Variants in CFAP300 observed in about 807,000 individuals in gnomAD.
CFAP300 encodes cilia and flagella associated protein 300, also known as cilia- and flagella-associated protein 300.
Under a neutral mutation model 33.0 loss-of-function variants are expected in CFAP300, and 32 were observed. The observed-to-expected ratio is 0.97, with a 90% CI of 0.73 to 1.30. CFAP300 has a LOEUF of 1.30. Ranked by LOEUF, CFAP300 falls within the 50% of genes most tolerant of loss-of-function variation. The pLI is 0.00. For synonymous variants in CFAP300, 102 were observed against 106.8 expected (o/e 0.95, Z 0.28); for missense variants, 356 against 318.1 (o/e 1.12, Z -0.90).
intron 3 of CFAP300, among the ~76,000 whole-genome samples, chr11:102,065,993 C>A: frequency 7.2e-6 from 1 of 139,232 alleles, no homozygotes; most frequent in African/African-American, 2.7e-5. Flanking sequence ...TTTTTTGAGA[C>A]GCAGCCTAGG....
intron 3 of CFAP300, among the ~76,000 whole-genome samples, chr11:102,065,761 C>T (rs182810396): frequency 4.1e-4 from 62 of 151,596 alleles, no homozygotes; most frequent in African/African-American, 1.5e-3. Context: ...GAGCAAAACT[C>T]CATCTCAAAG....
intron 5 of CFAP300, among the ~76,000 whole-genome samples, chr11:102,080,184 T>C (rs1423371136): frequency 6.6e-6 from 1 of 152,156 alleles, no homozygotes; most frequent in African/African-American, 2.4e-5. Flanking sequence ...TAAGGCATTA[T>C]AAATATAAAG....
intron 6 of CFAP300, among the ~76,000 whole-genome samples, chr11:102,081,827 G>T (rs547458613): frequency 2.7e-5 from 4 of 149,284 alleles, no homozygotes; most frequent in Admixed American, 6.8e-5. Flanking sequence ...GGAGGCGGAG[G>T]TTGCAGTGAG....
rs1436921811 is a variant in CFAP300 at position 102,083,155 on chromosome 11, C to T, written c.760C>T (p.Leu254Phe). The T allele has an allele frequency of 6.4e-7, 1 of 1,563,222 alleles. No homozygotes were observed. The highest frequency in any genetic ancestry group is 2.3e-5 in the East Asian group (1 of 42,774). ...TATTGTGGATCCTATCAGGCGTCACCTTCATGTTTTATACCACTGTTATGG... is the reference window on the plus strand; with the variant it reads ...TATTGTGGATCCTATCAGGCGTCACTTTCATGTTTTATACCACTGTTATGG... Reference protein sequence around the residue: ...YFIVDPIRRHLHVLYHCYGVG... With the variant: ...YFIVDPIRRHFHVLYHCYGVG... Residue 254 changes from leucine (L) to phenylalanine (F), a missense_variant, in exon 7 of 7, where the codon CTT becomes TTT. Leu to Phe is a conservative substitution (Grantham distance 22). Coordinates refer to ENST00000434758, the MANE Select transcript of CFAP300 (RefSeq NM_032930.3).
intron 2 of CFAP300, among the ~76,000 whole-genome samples, chr11:102,055,483 G>A: frequency 6.7e-6 from 1 of 149,184 alleles, no homozygotes. Context: ...TCAGCCTCCC[G>A]AGTAGCTGGG....
chr11:102,056,572 G>A (rs1267193285), intron 2 of CFAP300, among the ~76,000 whole-genome samples: 1 of 152,018 alleles, frequency 6.6e-6, no homozygotes, highest in South Asian at 2.1e-4. Flanking sequence ...TTTTCCTAAA[G>A]TTTATTGGCT....
chr11:102,047,876 C>A lies in CFAP300; in HGVS notation c.172C>A (p.Arg58=), dbSNP rs757687821. 5 of 1,614,160 alleles carry A rather than the reference C, an allele frequency of 3.1e-6. No individual in the cohort carries two copies. In the Admixed American group the frequency reaches 8.3e-5, roughly 27 times the overall value. Reference sequence around the variant, plus strand: ...CTTTGACCAGACCTTTCAGTCCTATCGGAAGGATGATTTCGTTATGGTTAG... The same window carrying A: ...CTTTGACCAGACCTTTCAGTCCTATAGGAAGGATGATTTCGTTATGGTTAG... The part of the protein sequence containing the change: ...FGFDQTFQSY[R]KDDFVMAFFK... The change falls in exon 2 of 7, where the codon CGG becomes AGG. Residue 58 remains arginine (R), a synonymous_variant. Transcript: ENST00000434758.
At chr11:102,055,359 C>CTTTTTTTTTT in intron 2 of CFAP300, among the ~76,000 whole-genome samples, 2 of 74,428 alleles carry the variant, frequency 2.7e-5, no homozygotes, top group Admixed American at 1.5e-4. Flanking sequence ...ACATGCGTTA[C>CTTTTTTTTTT]TCTTTTTTTT....
At position 102,083,057 on chromosome 11, in the gene CFAP300, T is replaced by G. The variant is rs1028730674; in HGVS notation, c.676-14T>G. 4.5e-6 allele frequency: 6 copies of G among 1,347,232 alleles called. No homozygotes were observed. Among genetic ancestry groups the G allele is most frequent in the Non-Finnish European group, 4.9e-6 (5 of 1,030,142 alleles). The allele number at this position is 1,347,232 out of a possible 1,614,324, so 83.5% of individuals were successfully genotyped here. Reference sequence around the variant, plus strand: ...TAAAATAAAATAATAATAATTTAGGTTTGTCTTTTTCAGGATTCTGCTGGT... The same window carrying G: ...TAAAATAAAATAATAATAATTTAGGGTTGTCTTTTTCAGGATTCTGCTGGT... On this transcript the variant is annotated splice_polypyrimidine_tract_variant and intron_variant, in intron 6 of 6. Coordinates refer to ENST00000434758, the MANE Select transcript of CFAP300 (RefSeq NM_032930.3).
At chr11:102,053,208 G>A (rs547154115) in intron 2 of CFAP300, among the ~76,000 whole-genome samples, 2 of 150,584 alleles carry the variant, frequency 1.3e-5, no homozygotes, top group African/African-American at 4.9e-5. Flanking sequence ...CAGCCTGGGC[G>A]ACAGAGTGAA....
chr11:102,078,384 T>C (rs1452968202), intron 5 of CFAP300, among the ~76,000 whole-genome samples: 1 of 152,216 alleles, frequency 6.6e-6, no homozygotes, highest in Admixed American at 6.5e-5. Flanking sequence ...TTCTTTATCC[T>C]TAAAAACCAT....
In CFAP300 at chr11:102,081,254, C is replaced by G. The variant is rs1247520447; in HGVS notation, c.648C>G (p.Thr216=). 2.5e-6 allele frequency: 4 copies of G among 1,611,164 alleles called. No homozygotes were observed. The South Asian group carries it at 4.4e-5, about 18-fold the overall frequency. The change falls in exon 6 of 7, where the codon ACC becomes ACG. Residue 216 remains threonine, a synonymous_variant. Coordinates refer to ENST00000434758, the MANE Select transcript of CFAP300 (RefSeq NM_032930.3). ...CTCAAACCAAGAAAATACAGATTAC[C>G]TCTTCTGTCTTTAAAGTTTCAGCTT... The part of the protein sequence containing the change: ...KNPQTKKIQI[T]SSVFKVSAYD...
intron 4 of CFAP300, among the ~76,000 whole-genome samples, chr11:102,073,297 C>T (rs553476873): frequency 6.6e-6 from 1 of 152,262 alleles, no homozygotes; most frequent in East Asian, 1.9e-4. Context: ...AATCCCCAGG[C>T]CCCCAGGGAG....
chr11:102,071,481 T>C (rs1347932891), intron 4 of CFAP300, among the ~76,000 whole-genome samples: 4 of 152,238 alleles, frequency 2.6e-5, no homozygotes, highest in African/African-American at 7.2e-5. Context: ...GTCATTTTGT[T>C]AATTTTTTTG....
chr11:102,062,379 A>C (rs1237064175), intron 3 of CFAP300, among the ~76,000 whole-genome samples: 1 of 152,158 alleles, frequency 6.6e-6, no homozygotes, highest in Non-Finnish European at 1.5e-5. Flanking sequence ...GTGGCTTTGG[A>C]ACTGAATGAT....
In CFAP300 at chr11:102,058,873, AT is replaced by A; in HGVS notation, c.193-3del. ...TCTAACTTATTCCCCTCAAATTTGT[AT>A]TTTAGGCTTTTTTCAAAGACCCAAA... On this transcript the variant is annotated splice_region_variant and splice_polypyrimidine_tract_variant and intron_variant, in intron 2 of 6. Coordinates refer to ENST00000434758, the MANE Select transcript of CFAP300 (RefSeq NM_032930.3). 1 of 1,538,994 alleles carries A rather than the reference AT, an allele frequency of 6.5e-7. No individual in the cohort carries two copies. The highest frequency in any genetic ancestry group is 8.8e-7 in the Non-Finnish European group (1 of 1,132,432).
chr11:102,058,828 C>G, intron 2 of CFAP300, 52 bp from the exon 3 acceptor site: 1 of 1,033,440 alleles, frequency 9.7e-7, no homozygotes. Context: ...TTAATTTTTA[C>G]TATCATTTAT....
At chr11:102,066,293 G>T (rs907048701) in intron 3 of CFAP300, among the ~76,000 whole-genome samples, 192 bp from the exon 4 acceptor site, 1 of 151,956 alleles carries the variant, frequency 6.6e-6, no homozygotes, top group Non-Finnish European at 1.5e-5. Context: ...AACTCTTAAT[G>T]ATTAACAGAA....
Position 102,067,548 on chromosome 11 carries a change from T to C in CFAP300, c.435+897T>C, listed in dbSNP as rs141204128. Among the ~76,000 whole-genome samples the C allele has an allele frequency of 1.8e-3, 281 of 152,310 alleles. 1 individual carries two copies. Among genetic ancestry groups the C allele is most frequent in the African/African-American group, 6.5e-3 (272 of 41,560 alleles). ...TGATTTATTATTTAGAAGATAATAGTCTTAGGCAAATTTCTCAATCTTTTG... is the reference window on the plus strand; with the variant it reads ...TGATTTATTATTTAGAAGATAATAGCCTTAGGCAAATTTCTCAATCTTTTG... On this transcript the variant is annotated intron_variant, in intron 4 of 6. Coordinates refer to ENST00000434758, the MANE Select transcript of CFAP300 (RefSeq NM_032930.3).
Sources: allele counts gnomAD v4.1 joint callset (sites outside exome capture counted in the v4.1 genomes callset), GRCh38; gene constraint gnomAD v4.1.1; transcripts MANE v1.5; gene names NCBI Gene and HGNC (gene_info 2026-07-23, HGNC 2026-07-21).